The following WBP1L variants were observed in gnomAD, a reference collection of about 807,000 sequenced individuals.
WBP1L encodes the protein WW domain binding protein 1-like.
A neutral mutation model predicts 33.7 loss-of-function variants in WBP1L; 17 were observed. That is an observed-to-expected ratio of 0.50 (90% CI 0.34 to 0.76). The LOEUF is 0.76. Among genes scored for constraint, WBP1L ranks in the 30% least tolerant of loss-of-function variants. WBP1L has a pLI of 0.01. For synonymous variants in WBP1L, 173 were observed against 190.8 expected, an observed-to-expected ratio of 0.91 and a Z score of 0.77; for missense variants, 389 against 469.4, an observed-to-expected ratio of 0.83 and a Z score of 1.58.
At chr10:102,766,805 C>T (rs1445617468) in intron 1 of WBP1L, among the ~76,000 whole-genome samples, 1 of 149,132 alleles carries the variant, frequency 6.7e-6, no homozygotes, top group African/African-American at 2.5e-5. Context: ...GCACTCCAGC[C>T]TGAGCGACAG....
chr10:102,802,073 A>G (rs1277949300), intron 2 of WBP1L, among the ~76,000 whole-genome samples: 1 of 58,750 alleles, frequency 1.7e-5, no homozygotes, highest in Non-Finnish European at 3.4e-5. Flanking sequence ...CCCTTCCCCC[A>G]GCCTTTCCCT....
chr10:102,797,982 T>A lies in WBP1L; in HGVS notation c.91-11T>A, dbSNP rs769229561. The A allele has an allele frequency of 6.8e-6, 11 of 1,612,396 alleles. No homozygotes were observed. Among genetic ancestry groups the A allele is most frequent in the African/African-American group, 4.0e-5 (3 of 74,892 alleles). On this transcript the variant is annotated splice_polypyrimidine_tract_variant and intron_variant, in intron 1 of 3. Coordinates refer to ENST00000448841, the MANE Select transcript of WBP1L (RefSeq NM_001083913.2). ...CATTTAATATGCTAACATGCTTTTT[T>A]AATTTTTTAGGATAAGGAAGCCTGT...
chr10:102,789,963 C>T (rs1370831379), intron 1 of WBP1L, among the ~76,000 whole-genome samples: 1 of 152,094 alleles, frequency 6.6e-6, no homozygotes, highest in Non-Finnish European at 1.5e-5. Flanking sequence ...TGGTCTCGAT[C>T]TCCTGACCTC....
intron 1 of WBP1L, among the ~76,000 whole-genome samples, chr10:102,750,469 T>C (rs1431258296): frequency 6.6e-6 from 1 of 151,966 alleles, no homozygotes; most frequent in Non-Finnish European, 1.5e-5. Context: ...ATACATAAAT[T>C]GGTGTTTCAG....
intron 1 of WBP1L, among the ~76,000 whole-genome samples, chr10:102,778,207 A>G (rs1459029225): frequency 6.6e-6 from 1 of 152,244 alleles, no homozygotes; most frequent in Non-Finnish European, 1.5e-5. Flanking sequence ...AGGATGCAAC[A>G]CTGCAGGGGT....
intron 1 of WBP1L, among the ~76,000 whole-genome samples, chr10:102,764,106 G>A (rs538887749): frequency 3.3e-5 from 5 of 152,236 alleles, no homozygotes; most frequent in South Asian, 2.1e-4. Flanking sequence ...GAGCCACCAC[G>A]CCCGGCCTTC....
intron 1 of WBP1L, among the ~76,000 whole-genome samples, chr10:102,764,365 C>G (rs149618986): frequency 6.6e-6 from 1 of 152,310 alleles, no homozygotes; most frequent in African/African-American, 2.4e-5. Context: ...TACTTTCCCC[C>G]TAAGCTTTAG....
In WBP1L at chr10:102,815,266, T is replaced by C. The variant is rs563966625; in HGVS notation, c.*1935T>C. 6.5e-6 allele frequency: 1 copy of C among 152,810 alleles called. No homozygotes were observed. Among genetic ancestry groups the C allele is most frequent in the Admixed American group, 6.5e-5 (1 of 15,304 alleles). 9.5% of individuals were successfully genotyped at this position (152,810 alleles called of 1,614,324 possible). A position where few individuals can be genotyped will look rare whatever the true frequency, so the allele number is the denominator to read the frequency against. The stretch of plus-strand genomic sequence containing the variant: ...ACTGTGCTCGAAGTAGAGGTTTTAC[T>C]CTACTCATCACTGCGATTTGCACAT... On this transcript the variant is annotated 3_prime_UTR_variant, in exon 4 of 4. Coordinates refer to ENST00000448841, the MANE Select transcript of WBP1L (RefSeq NM_001083913.2).
At chr10:102,796,950 T>C (rs1234780957) in intron 1 of WBP1L, among the ~76,000 whole-genome samples, 1 of 152,206 alleles carries the variant, frequency 6.6e-6, no homozygotes, top group Non-Finnish European at 1.5e-5. Context: ...ACCAGTGCTG[T>C]GGACAGAATT....
intron 2 of WBP1L, 36 bp from the exon 3 acceptor site, chr10:102,809,857 T>C: frequency 1.3e-6 from 2 of 1,587,708 alleles, no homozygotes; most frequent in East Asian, 2.2e-5. Context: ...TGGTACTCAC[T>C]GTGTGCCTCT....
intron 1 of WBP1L, among the ~76,000 whole-genome samples, chr10:102,797,254 T>TACA (rs1843585304): frequency 6.6e-6 from 1 of 152,348 alleles, no homozygotes; most frequent in African/African-American, 2.4e-5. Flanking sequence ...AATCCTAGAA[T>TACA]ACATACCGCT....
chr10:102,795,336 A>AGAACAT (rs1490562050), intron 1 of WBP1L, among the ~76,000 whole-genome samples: 1 of 152,248 alleles, frequency 6.6e-6, no homozygotes, highest in African/African-American at 2.4e-5. Context: ...TGGGTTTACC[A>AGAACAT]GAACATGACC....
intron 1 of WBP1L, among the ~76,000 whole-genome samples, chr10:102,764,553 G>T (rs1843084997): frequency 2.0e-5 from 3 of 152,124 alleles, no homozygotes; most frequent in Admixed American, 1.3e-4. Context: ...ATGACAAAGG[G>T]TTCAGCGTCC....
intron 1 of WBP1L, among the ~76,000 whole-genome samples, chr10:102,768,734 C>T (rs1167850168): frequency 6.9e-6 from 1 of 145,456 alleles, no homozygotes; most frequent in African/African-American, 2.6e-5. Context: ...GTCCCCCAGG[C>T]TGGAGTGCAG....
chr10:102,810,795 G>C (rs949516241), intron 3 of WBP1L, among the ~76,000 whole-genome samples: 1 of 151,568 alleles, frequency 6.6e-6, no homozygotes, highest in Non-Finnish European at 1.5e-5. Context: ...TCGAACTCCT[G>C]ACCTCAAGTG....
chr10:102,747,410 G>A (rs1422282221), intron 1 of WBP1L, among the ~76,000 whole-genome samples: 1 of 150,098 alleles, frequency 6.7e-6, no homozygotes, highest in African/African-American at 2.4e-5. Flanking sequence ...GCTCCAAATA[G>A]TAAGGCTCCG....
intron 1 of WBP1L, among the ~76,000 whole-genome samples, chr10:102,795,317 A>T (rs1353075102): frequency 1.3e-5 from 2 of 152,226 alleles, no homozygotes; most frequent in Non-Finnish European, 2.9e-5. Context: ...CGATATTTTC[A>T]ATTTATGATG....
chr10:102,803,411 A>G (rs867934638), intron 2 of WBP1L, among the ~76,000 whole-genome samples: 1 of 151,858 alleles, frequency 6.6e-6, no homozygotes, highest in African/African-American at 2.4e-5. Flanking sequence ...GGGGCACATG[A>G]CTCAGTTCCT....
chr10:102,754,662 G>C lies in WBP1L; in HGVS notation c.90+10519G>C, dbSNP rs543965716. ...CCTGCCTCGACCTCCCAAAGTGCTGGGCTTACAGGCATGAGACACCGCGGC... is the reference window on the plus strand; with the variant it reads ...CCTGCCTCGACCTCCCAAAGTGCTGCGCTTACAGGCATGAGACACCGCGGC... On this transcript the variant is annotated intron_variant, in intron 1 of 3. Transcript: ENST00000448841. Among the ~76,000 whole-genome samples the C allele has an allele frequency of 9.1e-4, 139 of 152,120 alleles. 2 individuals carry two copies. Among genetic ancestry groups the C allele is most frequent in the African/African-American group, 3.3e-3 (135 of 41,502 alleles).
Sources: allele counts gnomAD v4.1 joint callset (sites outside exome capture counted in the v4.1 genomes callset), GRCh38; gene constraint gnomAD v4.1.1; transcripts MANE v1.5; gene names NCBI Gene and HGNC (gene_info 2026-07-23, HGNC 2026-07-21).